The following RALB variants were observed in gnomAD, a reference collection of about 807,000 sequenced individuals.
The protein encoded by RALB is RAS like proto-oncogene B, also known as ras-related protein Ral-B.
Under a neutral mutation model 21.3 loss-of-function variants are expected in RALB, and 16 were observed. That is an observed-to-expected ratio of 0.75 (90% confidence interval 0.51 to 1.14). RALB has a LOEUF of 1.14. Ranked by LOEUF, RALB falls within the 50% of genes most tolerant of loss-of-function variation. The pLI is 0.00. For missense variants in RALB, 161 were observed against 256.2 expected (o/e 0.63, Z 2.54); for synonymous variants, 93 against 96.1 (o/e 0.97, Z 0.19).
chr2:120,277,808 C>T (rs533181537), intron 1 of RALB, among the ~76,000 whole-genome samples: 2 of 148,866 alleles, frequency 1.3e-5, no homozygotes, highest in Admixed American at 1.3e-4. Context: ...TGTGTGAGAG[C>T]GTGTGAGAGC....
In RALB at chr2:120,293,796, TA is replaced by T. The variant is rs1017027435; in HGVS notation, c.*543del. On this transcript the variant is annotated 3_prime_UTR_variant, in exon 5 of 5. Transcript: ENST00000272519. The stretch of plus-strand genomic sequence containing the variant: ...CAATACCCTGTGGATCTGAAACAGC[TA>T]AAAAAATGAATTTGAATTGCGCCAG... 5.3e-6 allele frequency: 1 copy of T among 187,940 alleles called. No homozygotes were observed. Among genetic ancestry groups the T allele is most frequent in the Non-Finnish European group, 1.1e-5 (1 of 92,628 alleles). 11.6% of individuals were successfully genotyped at this position (187,940 alleles called of 1,614,324 possible).
intron 2 of RALB, among the ~76,000 whole-genome samples, chr2:120,285,049 C>A (rs1035868452): frequency 3.3e-5 from 5 of 152,098 alleles, no homozygotes; most frequent in African/African-American, 1.2e-4. Context: ...AAGAAATACC[C>A]AAGACTGGGT....
chr2:120,284,474 C>T (rs980679384), intron 2 of RALB, among the ~76,000 whole-genome samples: 1 of 151,988 alleles, frequency 6.6e-6, no homozygotes, highest in African/African-American at 2.4e-5. Context: ...TCTTGGTTCA[C>T]TGCAAGCGCC....
chr2:120,267,625 G>A (rs975593531), intron 1 of RALB, among the ~76,000 whole-genome samples: 3 of 152,122 alleles, frequency 2.0e-5, no homozygotes, highest in African/African-American at 7.2e-5. Context: ...GCAGGCTTAC[G>A]CTGGCTTTCA....
At chr2:120,276,319 G>A (rs936808647) in intron 1 of RALB, among the ~76,000 whole-genome samples, 18 of 152,268 alleles carry the variant, frequency 1.2e-4, no homozygotes, top group African/African-American at 4.3e-4. Flanking sequence ...GGGAAGTTCT[G>A]GCCAGGTGCA....
chr2:120,262,844 GT>G (rs1194676871), intron 1 of RALB, among the ~76,000 whole-genome samples: 1 of 152,212 alleles, frequency 6.6e-6, no homozygotes, highest in East Asian at 1.9e-4. Context: ...AAGGGCTTCT[GT>G]TGATGAAAAT....
At chr2:120,285,799 T>G in intron 2 of RALB, 75 bp from the exon 3 acceptor site, 1 of 1,177,106 alleles carries the variant, frequency 8.5e-7, no homozygotes, top group South Asian at 1.3e-5. Flanking sequence ...AGTGCCCATA[T>G]GTGGAATTTT....
intron 1 of RALB, among the ~76,000 whole-genome samples, chr2:120,276,466 G>A (rs1689795814): frequency 6.6e-6 from 1 of 152,092 alleles, no homozygotes; most frequent in Non-Finnish European, 1.5e-5. Flanking sequence ...AACTAGGCAG[G>A]GTGGTGCGTG....
At chr2:120,255,935 C>CTGAGTATAG in intron 1 of RALB, among the ~76,000 whole-genome samples, 1 of 36,910 alleles carries the variant, frequency 2.7e-5, no homozygotes, top group African/African-American at 1.4e-4. Context: ...CCAAGCTATA[C>CTGAGTATAG]GGCATGAGAT....
chr2:120,259,708 G>T (rs1482462676), intron 1 of RALB, among the ~76,000 whole-genome samples: 1 of 152,286 alleles, frequency 6.6e-6, no homozygotes, highest in African/African-American at 2.4e-5. Flanking sequence ...CCCGCACCGG[G>T]GCTGCAGGTG....
intron 1 of RALB, among the ~76,000 whole-genome samples, chr2:120,255,126 A>G (rs1558945899): frequency 6.6e-6 from 1 of 152,256 alleles, no homozygotes; most frequent in Non-Finnish European, 1.5e-5. Flanking sequence ...ATGTAAGACT[A>G]GAGTGCGAAG....
intron 1 of RALB, among the ~76,000 whole-genome samples, chr2:120,240,287 A>ATTT (rs1433107492): frequency 7.5e-6 from 1 of 133,870 alleles, no homozygotes. Context: ...TTTTATTTTT[A>ATTT]TTTTTATTTT....
chr2:120,289,190 G>C (rs149579278), intron 3 of RALB, among the ~76,000 whole-genome samples: 26 of 152,126 alleles, frequency 1.7e-4, no homozygotes, highest in African/African-American at 6.0e-4. Context: ...ATTTTATGGA[G>C]ATAGTTCCCT....
intron 1 of RALB, among the ~76,000 whole-genome samples, chr2:120,268,000 C>T (rs1260259374): frequency 3.3e-5 from 5 of 152,094 alleles, no homozygotes; most frequent in African/African-American, 4.8e-5. Context: ...CCATGTGGGC[C>T]GGGATGGTCT....
chr2:120,251,061 G>A (rs1215900839), upstream of RALB, among the ~76,000 whole-genome samples: 1 of 152,214 alleles, frequency 6.6e-6, no homozygotes, highest in Non-Finnish European at 1.5e-5. Context: ...AAAAGGTGGG[G>A]AAACCTCCTG....
chr2:120,257,572 A>T (rs1476525532), intron 1 of RALB, among the ~76,000 whole-genome samples: 2 of 152,066 alleles, frequency 1.3e-5, no homozygotes, highest in East Asian at 1.9e-4. Context: ...TATTTCATTG[A>T]TCATGTTAAA....
intron 1 of RALB, among the ~76,000 whole-genome samples, chr2:120,256,034 A>C (rs1199751385): frequency 6.6e-6 from 1 of 152,168 alleles, no homozygotes; most frequent in Non-Finnish European, 1.5e-5. Context: ...CTGCATAACA[A>C]ATTTCCCCAA....
At chr2:120,289,991 G>A (rs1253951108) in intron 4 of RALB, among the ~76,000 whole-genome samples, 1 of 149,470 alleles carries the variant, frequency 6.7e-6, no homozygotes, top group Admixed American at 6.6e-5. Flanking sequence ...ATTAGAGTAT[G>A]CTTAATGTGT....
intron 1 of RALB, among the ~76,000 whole-genome samples, chr2:120,270,912 C>T (rs1558951173): frequency 6.6e-6 from 1 of 152,190 alleles, no homozygotes. Context: ...ACTAGGTGAC[C>T]TTCAGTTCAT....
Sources: gnomAD v4.1 joint callset for allele counts (sites outside exome capture counted in the v4.1 genomes callset) on GRCh38, gnomAD v4.1.1 for gene constraint, MANE v1.5 for transcripts, NCBI Gene and HGNC (gene_info 2026-07-23, HGNC 2026-07-21) for gene names.